Variants in CEP192 observed in about 807,000 individuals in gnomAD.
CEP192 encodes centrosomal protein of 192 kDa.
Under a neutral mutation model 271.8 loss-of-function variants are expected in CEP192, and 151 were observed. That is an observed-to-expected ratio of 0.56 (90% CI 0.49 to 0.64). The LOEUF is 0.64. Among genes scored for constraint, CEP192 ranks in the 30% least tolerant of loss-of-function variants. The pLI is 0.00. For synonymous variants in CEP192, 995 were observed against 1,076.5 expected, an observed-to-expected ratio of 0.92 and a Z score of 1.48; for missense variants, 2,910 against 3,020.5, an observed-to-expected ratio of 0.96 and a Z score of 0.86.
intron 9 of CEP192, among the ~76,000 whole-genome samples, chr18:13,023,225 TATAC>T (rs2035092620): frequency 1.3e-5 from 2 of 152,182 alleles, no homozygotes; most frequent in Non-Finnish European, 2.9e-5. Context: ...TCCCAATCTA[TATAC>T]ACTTTATTTC....
intron 27 of CEP192, among the ~76,000 whole-genome samples, chr18:13,070,530 A>T (rs964499372): frequency 6.6e-6 from 1 of 152,232 alleles, no homozygotes; most frequent in Non-Finnish European, 1.5e-5. Flanking sequence ...CACCCAAATC[A>T]TAAGTGAATA....
intron 1 of CEP192, among the ~76,000 whole-genome samples, chr18:12,995,186 T>C (rs9948139): frequency 0.7 from 106,527 of 151,184 alleles, 38,687 homozygotes; most frequent in African/African-American, 0.89. Flanking sequence ...CTCAGCCTCC[T>C]GAGTAGCTGG....
At position 13,019,322 on chromosome 18, in the gene CEP192, A is replaced by G. The variant is rs913719709; in HGVS notation, c.1050+116A>G. 12 of 839,762 alleles carry G rather than the reference A, an allele frequency of 1.4e-5. No individual in the cohort carries two copies. The African/African-American group carries it at 1.4e-4, about 10-fold the overall frequency. 52.0% of individuals were successfully genotyped at this position (839,762 alleles called of 1,614,324 possible). A position where few individuals can be genotyped will look rare whatever the true frequency, so the allele number is the denominator to read the frequency against. ...GTAACTGTTGACTTCTGAAAAATAC[A>G]GAAAAAGTACTCACTACTGATAATT... is the stretch of plus-strand genomic sequence containing the variant. On this transcript the variant is annotated intron_variant, in intron 9 of 44. Transcript: ENST00000506447.
chr18:13,038,291 T>A lies in CEP192; in HGVS notation c.1600-79T>A, dbSNP rs1286673882. 13 of 1,183,662 alleles carry A rather than the reference T, an allele frequency of 1.1e-5. No individual in the cohort carries two copies. The South Asian group carries it at 1.9e-4, about 17-fold the overall frequency. 73.3% of individuals were successfully genotyped at this position (1,183,662 alleles called of 1,614,324 possible). A position where few individuals can be genotyped will look rare whatever the true frequency, so the allele number is the denominator to read the frequency against. On this transcript the variant is annotated intron_variant, in intron 12 of 44. Transcript: ENST00000506447. ...ACTTTTTAAATTTTCTTGGTAAGACTTTTTTAGTTTTTGTATATTAGAACA... is the reference window on the plus strand; with the variant it reads ...ACTTTTTAAATTTTCTTGGTAAGACATTTTTAGTTTTTGTATATTAGAACA...
chr18:12,991,446 G>C lies in CEP192; in HGVS notation c.-5+9G>C, dbSNP rs1307338029. 1 of 152,980 alleles carries C rather than the reference G, an allele frequency of 6.5e-6. No homozygotes were observed. Among genetic ancestry groups the C allele is most frequent in the African/African-American group, 2.4e-5 (1 of 41,488 alleles). 9.5% of individuals were successfully genotyped at this position (152,980 alleles called of 1,614,324 possible). A position where few individuals can be genotyped will look rare whatever the true frequency, so the allele number is the denominator to read the frequency against. ...TCGGGGACGCGGGCTCGGTGAGGGG[G>C]GACGCTGGTGCCTCGGCCTGCGCCT... On this transcript the variant is annotated intron_variant, in intron 1 of 44. Coordinates refer to ENST00000506447, the MANE Select transcript of CEP192 (RefSeq NM_032142.4).
rs758345829 is a variant in CEP192, at chr18:13,073,000, A to G, written c.5440-9A>G. On this transcript the variant is annotated splice_polypyrimidine_tract_variant and intron_variant, in intron 29 of 44. Coordinates refer to ENST00000506447, the MANE Select transcript of CEP192 (RefSeq NM_032142.4). ...TTGTTTTATGCATTTAACTGTTTTT[A>G]AATTGTAGCTTCAGAACACTTTTGG... The G allele has an allele frequency of 1.2e-6, 2 of 1,601,312 alleles. No homozygotes were observed. Among genetic ancestry groups the G allele is most frequent in the Admixed American group, 1.7e-5 (1 of 57,246 alleles).
chr18:13,022,028 C>T (rs1175474738), intron 9 of CEP192, among the ~76,000 whole-genome samples: 1 of 152,066 alleles, frequency 6.6e-6, no homozygotes, highest in Non-Finnish European at 1.5e-5. Context: ...GTCTGTCATC[C>T]ATTTTCAGTT....
chr18:13,063,815 C>T (rs2037537810), intron 21 of CEP192, among the ~76,000 whole-genome samples: 1 of 149,246 alleles, frequency 6.7e-6, no homozygotes, highest in Non-Finnish European at 1.5e-5. Flanking sequence ...TGGAGATTTT[C>T]CCCAATTTTT....
At chr18:13,068,577 G>C (rs527861525) in intron 24 of CEP192, among the ~76,000 whole-genome samples, 155 bp downstream of exon 24, 9 of 152,288 alleles carry the variant, frequency 5.9e-5, no homozygotes, top group African/African-American at 2.2e-4. Flanking sequence ...ATGCTGTTTT[G>C]GGTCAATCCT....
intron 32 of CEP192, among the ~76,000 whole-genome samples, chr18:13,088,443 A>G (rs1598566601): frequency 6.6e-6 from 1 of 152,208 alleles, no homozygotes; most frequent in East Asian, 1.9e-4. Flanking sequence ...TCTCTCATAA[A>G]TAAATAAATA....
chr18:13,065,122 T>C (rs888579691), intron 21 of CEP192, among the ~76,000 whole-genome samples: 6 of 152,132 alleles, frequency 3.9e-5, no homozygotes, highest in Non-Finnish European at 7.4e-5. Context: ...TTTTATATGT[T>C]AATTTTGTAT....
intron 2 of CEP192, among the ~76,000 whole-genome samples, chr18:12,999,977 G>A (rs2145786168): frequency 6.6e-6 from 1 of 151,756 alleles, no homozygotes; most frequent in East Asian, 1.9e-4. Flanking sequence ...ATCAAGGGGA[G>A]GAGTGCAGAG....
chr18:13,048,934 A>G lies in CEP192; in HGVS notation c.2143A>G (p.Ile715Val), dbSNP rs761663165. The change falls in exon 16 of 45, where the codon ATC becomes GTC. Residue 715 changes from isoleucine (I) to valine (V), a missense_variant. Physicochemically the swap from Ile to Val is conservative, Grantham distance 29. Transcript: ENST00000506447. ...AGATAGTGGTGATTCTATGCTTAGG[A>G]TCAGCACCATTGCTTCAGCCATTGC... is the stretch of plus-strand genomic sequence containing the variant. ...LPDSGDSMLR[I>V]STIASAIAEA... 1 of 1,614,136 alleles carries G rather than the reference A, an allele frequency of 6.2e-7. No homozygotes were observed. Among genetic ancestry groups the G allele is most frequent in the Non-Finnish European group, 8.5e-7 (1 of 1,179,992 alleles).
At chr18:13,015,215 A>C (rs1036422590) in intron 5 of CEP192, 113 bp from the exon 6 acceptor site, 1 of 954,334 alleles carries the variant, frequency 1.0e-6, no homozygotes. Context: ...TGTGATTTAC[A>C]GATACTGAAC....
At chr18:13,003,657 G>A (rs575973648) in intron 3 of CEP192, among the ~76,000 whole-genome samples, 4 of 151,952 alleles carry the variant, frequency 2.6e-5, no homozygotes, top group Non-Finnish European at 2.9e-5. Context: ...TCAGAGATAC[G>A]GGAAGCCACT....
Position 13,000,091 on chromosome 18 carries a change from C to CTCTCTTTTTTTT in CEP192, c.164+504_164+505insCTCTTTTTTTTT, listed in dbSNP as rs1555698196. The stretch of plus-strand genomic sequence containing the variant: ...CTCTGTATAACTCATTGTCTTCTCT[C>CTCTCTTTTTTTT]TTTTTTTTTTTTTTTTTTTTTTTTT... On this transcript the variant is annotated intron_variant, in intron 2 of 44. Coordinates refer to ENST00000506447, the MANE Select transcript of CEP192 (RefSeq NM_032142.4). Among the ~76,000 whole-genome samples the CTCTCTTTTTTTT allele has an allele frequency of 3.2e-3, 245 of 76,726 alleles. 33 individuals carry two copies. Among genetic ancestry groups the CTCTCTTTTTTTT allele is most frequent in the East Asian group, 0.011 (30 of 2,626 alleles). The allele number at this position is 76,726 out of a possible 152,430, so 50.3% of individuals were successfully genotyped here.
Position 13,069,096 on chromosome 18 carries a change from A to G in CEP192, c.4970A>G (p.His1657Arg), listed in dbSNP as rs761627109. The change falls in exon 26 of 45, where the codon CAT becomes CGT. Residue 1657 changes from histidine to arginine, a missense_variant. His to Arg is a conservative substitution (Grantham distance 29). Transcript: ENST00000506447. Reference protein sequence around the residue: ...IHAPRDLQTMHFLAKVASSRK... With the variant: ...IHAPRDLQTMRFLAKVASSRK... The stretch of plus-strand genomic sequence containing the variant: ...TCTTGCCCCATCCTCCAGACGATGC[A>G]TTTCTTGGCCAAAGTGGCTTCCTCA... The G allele has an allele frequency of 1.5e-5, 24 of 1,614,028 alleles. No homozygotes were observed. The highest frequency in any genetic ancestry group is 1.3e-5 in the African/African-American group (1 of 74,912).
chr18:13,055,754 T>C, intron 18 of CEP192, 26 bp from the exon 19 acceptor site: 2 of 1,478,670 alleles, frequency 1.4e-6, no homozygotes, highest in Non-Finnish European at 1.8e-6. Context: ...CTGTGGATTA[T>C]TAAAAACAAA....
chr18:13,121,772 A>G lies in CEP192; in HGVS notation c.7476-2860A>G, dbSNP rs77567148. ...CAACTGTGCCCTCATGTCCTTGCAC[A>G]GTGCAAGGTGCACAATCCTGGCAGA... On this transcript the variant is annotated intron_variant, in intron 44 of 44. Transcript: ENST00000506447. Among the ~76,000 whole-genome samples, 868 of 152,340 alleles carry G rather than the reference A, an allele frequency of 5.7e-3. 13 individuals are homozygous for G. Among genetic ancestry groups the G allele is most frequent in the African/African-American group, 0.02 (831 of 41,572 alleles).
Sources: gnomAD v4.1 joint callset for allele counts (sites outside exome capture counted in the v4.1 genomes callset) on GRCh38, gnomAD v4.1.1 for gene constraint, MANE v1.5 for transcripts, NCBI Gene and HGNC (gene_info 2026-07-23, HGNC 2026-07-21) for gene names.